Variants in ASTN2 observed in about 807,000 individuals in gnomAD.
ASTN2 encodes astrotactin 2.
ASTN2 carries 54 observed loss-of-function variants against 139.8 expected under a neutral mutation model. The ratio of observed to expected loss-of-function variants is 0.39; its 90% confidence interval spans 0.31 to 0.48. ASTN2 has a LOEUF of 0.48. Ranked by LOEUF, ASTN2 falls within the 20% of genes least tolerant of loss-of-function variation. The pLI is 0.95. For synonymous variants in ASTN2, 756 were observed against 719.5 expected, an observed-to-expected ratio of 1.05 and a Z score of -0.81; for missense variants, 1,565 against 1,725.1, an observed-to-expected ratio of 0.91 and a Z score of 1.64.
chr9:117,162,293 G>A (rs1045659987), intron 3 of ASTN2, among the ~76,000 whole-genome samples: 1 of 152,154 alleles, frequency 6.6e-6, no homozygotes. Flanking sequence ...CAAGTGTAGA[G>A]AGAAGGGTTC....
chr9:116,472,627 G>A (rs1022232379), intron 20 of ASTN2, among the ~76,000 whole-genome samples: 1 of 151,992 alleles, frequency 6.6e-6, no homozygotes, highest in African/African-American at 2.4e-5. Context: ...GTTCTGGCCA[G>A]GCGTGGTAGC....
At chr9:117,212,166 G>A (rs1313384368) in intron 3 of ASTN2, among the ~76,000 whole-genome samples, 3 of 152,114 alleles carry the variant, frequency 2.0e-5, no homozygotes, top group African/African-American at 7.2e-5. Context: ...TAGGGAAATG[G>A]CAGTCTCTCC....
At chr9:116,905,873 G>T (rs1009685321) in intron 10 of ASTN2, among the ~76,000 whole-genome samples, 26 of 149,016 alleles carry the variant, frequency 1.7e-4, no homozygotes, top group Non-Finnish European at 4.5e-5. Flanking sequence ...TTTTGGGGGG[G>T]GGTGCGGGGG....
intron 4 of ASTN2, among the ~76,000 whole-genome samples, chr9:117,097,640 C>T (rs1828872540): frequency 6.6e-6 from 1 of 152,136 alleles, no homozygotes; most frequent in African/African-American, 2.4e-5. Context: ...CAGAGGGAGG[C>T]TACTTTTCTC....
intron 10 of ASTN2, among the ~76,000 whole-genome samples, chr9:116,932,733 TG>T (rs1379731742): frequency 1.3e-5 from 2 of 152,086 alleles, no homozygotes; most frequent in African/African-American, 4.8e-5. Context: ...AGGCCGGGCA[TG>T]GTGGCTCACA....
chr9:117,100,314 C>G (rs1383615142), intron 4 of ASTN2, among the ~76,000 whole-genome samples: 2 of 152,184 alleles, frequency 1.3e-5, no homozygotes, highest in Non-Finnish European at 2.9e-5. Flanking sequence ...AGAGTGAAAA[C>G]TGAGGCTCAG....
chr9:116,541,470 T>C (rs1851875006), intron 19 of ASTN2, among the ~76,000 whole-genome samples: 1 of 152,188 alleles, frequency 6.6e-6, no homozygotes, highest in African/African-American at 2.4e-5. Flanking sequence ...GTTGCCATGG[T>C]TTTCCTAGTT....
intron 16 of ASTN2, among the ~76,000 whole-genome samples, chr9:116,716,312 G>A (rs543577752): frequency 1.3e-4 from 20 of 152,242 alleles, no homozygotes; most frequent in Non-Finnish European, 2.2e-4. Flanking sequence ...ATAATATAAT[G>A]AGCAGTCTGC....
At chr9:116,751,395 C>A (rs114561779) in intron 13 of ASTN2, among the ~76,000 whole-genome samples, 4,362 of 151,896 alleles carry the variant, frequency 0.029, no homozygotes, top group African/African-American at 0.1. Flanking sequence ...GACAAGTTAG[C>A]GTTTCTTACT....
intron 11 of ASTN2, among the ~76,000 whole-genome samples, chr9:116,851,694 G>T (rs1832613301): frequency 6.6e-6 from 1 of 151,938 alleles, no homozygotes; most frequent in African/African-American, 2.4e-5. Context: ...CGTTTTAGTT[G>T]AATTGCTTCA....
At chr9:117,025,313 TG>T (rs1464460029) in intron 6 of ASTN2, among the ~76,000 whole-genome samples, 1 of 152,148 alleles carries the variant, frequency 6.6e-6, no homozygotes, top group African/African-American at 2.4e-5. Context: ...ACTAGCTACT[TG>T]GCAATATGCC....
chr9:117,397,795 T>C (rs7850491), intron 1 of ASTN2, among the ~76,000 whole-genome samples: 1 of 152,196 alleles, frequency 6.6e-6, no homozygotes. Context: ...AAATGAAATG[T>C]AGTTAGCCCT....
intron 2 of ASTN2, among the ~76,000 whole-genome samples, chr9:117,259,214 T>C (rs1833763438): frequency 6.6e-6 from 1 of 152,104 alleles, no homozygotes; most frequent in South Asian, 2.1e-4. Flanking sequence ...AGATGCAAAA[T>C]GTGTGTACTG....
intron 2 of ASTN2, among the ~76,000 whole-genome samples, chr9:117,241,012 G>A (rs889724832): frequency 5.9e-5 from 9 of 152,036 alleles, no homozygotes; most frequent in South Asian, 2.1e-4. Context: ...TTTGTCCATC[G>A]TAGAAGAGCC....
chr9:116,961,479 T>G (rs1252739076), intron 10 of ASTN2, among the ~76,000 whole-genome samples: 1 of 152,224 alleles, frequency 6.6e-6, no homozygotes, highest in Non-Finnish European at 1.5e-5. Context: ...TGTTTGTCCT[T>G]TTGTGCCTGG....
chr9:117,298,702 ATGTGTGTGTGTGTGTG>A (rs60775898), intron 1 of ASTN2, among the ~76,000 whole-genome samples: 5 of 136,234 alleles, frequency 3.7e-5, no homozygotes, highest in Non-Finnish European at 4.6e-5. Context: ...GTGCATATGT[ATGTGTGTGTGTGTGTG>A]TGTGTGTGTG....
At chr9:117,099,468 C>A (rs1028801611) in intron 4 of ASTN2, among the ~76,000 whole-genome samples, 1 of 152,194 alleles carries the variant, frequency 6.6e-6, no homozygotes, top group Admixed American at 6.5e-5. Context: ...AGACTTTATT[C>A]TTTCCCTACT....
chr9:117,147,934 G>A (rs2132872874), intron 3 of ASTN2, among the ~76,000 whole-genome samples: 1 of 152,302 alleles, frequency 6.6e-6, no homozygotes, highest in East Asian at 1.9e-4. Context: ...TCTGGGCCTG[G>A]ATGGTGGCTC....
chr9:116,639,688 A>C (rs1857238076), intron 17 of ASTN2, among the ~76,000 whole-genome samples: 1 of 152,218 alleles, frequency 6.6e-6, no homozygotes, highest in South Asian at 2.1e-4. Flanking sequence ...GTGATAAATA[A>C]GTAGACATTG....
Sources: allele counts gnomAD v4.1 joint callset (sites outside exome capture counted in the v4.1 genomes callset), GRCh38; gene constraint gnomAD v4.1.1; transcripts MANE v1.5; gene names NCBI Gene and HGNC (gene_info 2026-07-23, HGNC 2026-07-21).